Variants in AKAP13 observed in about 807,000 individuals in gnomAD.
AKAP13 encodes A-kinase anchoring protein 13.
AKAP13 carries 80 observed loss-of-function variants against 264.5 expected under a neutral mutation model. The observed-to-expected ratio is 0.30, with a 90% CI of 0.25 to 0.36. The LOEUF (loss-of-function observed/expected upper bound fraction) is 0.36, where lower values mean the gene tolerates loss of function less well. Among genes scored for constraint, AKAP13 ranks in the 10% least tolerant of loss-of-function variants. The pLI, the probability that AKAP13 is intolerant of heterozygous loss-of-function variation, is 1.00. For synonymous variants in AKAP13, 1,380 were observed against 1,250.2 expected, an observed-to-expected ratio of 1.10 and a Z score of -2.19; for missense variants, 3,712 against 3,435.2, an observed-to-expected ratio of 1.08 and a Z score of -2.01.
At chr15:85,578,189 G>A (rs1234293546) in intron 6 of AKAP13, among the ~76,000 whole-genome samples, 2 of 152,098 alleles carry the variant, frequency 1.3e-5, no homozygotes, top group Non-Finnish European at 1.5e-5. Flanking sequence ...AGGCTGAGGC[G>A]GCAGGGTCAC....
At chr15:85,726,960 CTA>C in intron 27 of AKAP13, 104 bp from the exon 28 acceptor site, 1 of 1,247,992 alleles carries the variant, frequency 8.0e-7, no homozygotes, top group Non-Finnish European at 1.1e-6. Flanking sequence ...GTTTTTCAAA[CTA>C]TGTGCTTTTT....
chr15:85,632,240 G>A (rs2081870736), intron 8 of AKAP13, among the ~76,000 whole-genome samples: 2 of 152,084 alleles, frequency 1.3e-5, no homozygotes, highest in South Asian at 2.1e-4. Flanking sequence ...TCACCTTCTC[G>A]TTGGTTCTCC....
intron 17 of AKAP13, among the ~76,000 whole-genome samples, chr15:85,703,143 T>C (rs2086027854): frequency 6.6e-6 from 1 of 152,228 alleles, no homozygotes; most frequent in Non-Finnish European, 1.5e-5. Flanking sequence ...ATGTGTGTGA[T>C]GGTTAGATTT....
intron 1 of AKAP13, among the ~76,000 whole-genome samples, chr15:85,387,882 T>C (rs1426729899): frequency 2.0e-5 from 3 of 152,312 alleles, no homozygotes; most frequent in African/African-American, 7.2e-5. Flanking sequence ...TCATTTTATA[T>C]TATTTGCTGA....
At chr15:85,551,172 T>C (rs1479206251) in intron 5 of AKAP13, among the ~76,000 whole-genome samples, 4 of 152,190 alleles carry the variant, frequency 2.6e-5, no homozygotes, top group Admixed American at 6.5e-5. Flanking sequence ...TGCCTTTTTT[T>C]CCCCCTAAGT....
intron 9 of AKAP13, among the ~76,000 whole-genome samples, chr15:85,642,645 T>C (rs1299802838): frequency 6.6e-6 from 1 of 152,210 alleles, no homozygotes; most frequent in East Asian, 1.9e-4. Context: ...TCCTCAACAG[T>C]CAGCTTTATC....
chr15:85,604,404 T>C (rs1228333818), intron 8 of AKAP13, among the ~76,000 whole-genome samples: 2 of 151,664 alleles, frequency 1.3e-5, no homozygotes, highest in African/African-American at 2.4e-5. Context: ...TCTGTCTGTA[T>C]AGAATTTGGA....
intron 23 of AKAP13, among the ~76,000 whole-genome samples, chr15:85,719,833 T>G (rs951576568): frequency 6.6e-6 from 1 of 151,778 alleles, no homozygotes; most frequent in Admixed American, 6.6e-5. Flanking sequence ...AAGAATCGCT[T>G]GAACCTGGGA....
chr15:85,483,417 G>C lies in AKAP13; in HGVS notation c.-11-2293G>C, dbSNP rs529472491. ...CGAGGCGGGTGGATCATGAGGTCAG[G>C]AGATCGAGACCATCCTGGCTAACAA... On this transcript the variant is annotated intron_variant, in intron 1 of 36. Coordinates refer to ENST00000394518, the MANE Select transcript of AKAP13 (RefSeq NM_007200.5). Among the ~76,000 whole-genome samples the C allele has an allele frequency of 4.9e-3, 747 of 152,236 alleles. 7 individuals are homozygous for C. Among genetic ancestry groups the C allele is most frequent in the African/African-American group, 0.018 (728 of 41,498 alleles).
chr15:85,714,453 A>G (rs568494247), intron 19 of AKAP13, among the ~76,000 whole-genome samples: 1 of 152,318 alleles, frequency 6.6e-6, no homozygotes, highest in Non-Finnish European at 1.5e-5. Flanking sequence ...AATTTTCCTC[A>G]TCTGTAAATT....
intron 2 of AKAP13, among the ~76,000 whole-genome samples, chr15:85,509,329 T>C (rs888705571): frequency 2.0e-5 from 3 of 152,338 alleles, no homozygotes; most frequent in East Asian, 3.9e-4. Flanking sequence ...TAGTGAGTGC[T>C]AAATAATATT....
chr15:85,448,972 G>A (rs1008843896), intron 1 of AKAP13, among the ~76,000 whole-genome samples: 11 of 151,006 alleles, frequency 7.3e-5, no homozygotes, highest in African/African-American at 2.4e-4. Flanking sequence ...AATAACATTG[G>A]ATCTGTAAAT....
intron 2 of AKAP13, among the ~76,000 whole-genome samples, chr15:85,488,048 C>T (rs939677298): frequency 6.6e-6 from 1 of 152,228 alleles, no homozygotes; most frequent in Non-Finnish European, 1.5e-5. Flanking sequence ...CAGGCATGTG[C>T]ACCCATGCCC....
intron 8 of AKAP13, among the ~76,000 whole-genome samples, chr15:85,632,989 C>G (rs2081911430): frequency 6.6e-6 from 1 of 152,126 alleles, no homozygotes; most frequent in South Asian, 2.1e-4. Flanking sequence ...TCTCAGCCTC[C>G]CAAGTAGCTG....
chr15:85,655,395 A>G, intron 10 of AKAP13, 22 bp from the exon 11 acceptor site: 6 of 1,604,072 alleles, frequency 3.7e-6, no homozygotes, highest in African/African-American at 2.7e-5. Context: ...CTTCAACCAT[A>G]TGTGCTTTCT....
At chr15:85,680,286 C>G (rs945301875) in intron 14 of AKAP13, among the ~76,000 whole-genome samples, 2 of 152,104 alleles carry the variant, frequency 1.3e-5, no homozygotes, top group African/African-American at 2.4e-5. Flanking sequence ...TTTAAAACCA[C>G]TGATTTAAAC....
chr15:85,446,501 C>T (rs1244170853), intron 1 of AKAP13, among the ~76,000 whole-genome samples: 1 of 152,124 alleles, frequency 6.6e-6, no homozygotes, highest in Non-Finnish European at 1.5e-5. Context: ...CTAGCAGGCA[C>T]TTGGCAATTA....
chr15:85,542,223 C>T (rs970513326), intron 4 of AKAP13, among the ~76,000 whole-genome samples: 4 of 152,192 alleles, frequency 2.6e-5, no homozygotes, highest in Non-Finnish European at 5.9e-5. Flanking sequence ...AAATTTGTAC[C>T]TGCACATGTA....
At position 85,614,497 on chromosome 15, in the gene AKAP13, C is replaced by T. The variant is rs376226987; in HGVS notation, c.4162-24877C>T. 3.2e-3 allele frequency among the ~76,000 whole-genome samples: 482 copies of T among 152,106 alleles called. 28 individuals carry two copies. The South Asian group carries it at 0.098, about 31-fold the overall frequency. On this transcript the variant is annotated intron_variant, in intron 8 of 36. Transcript: ENST00000394518. ...GAAATGTTGGCAGAGAAGTTGAGTC[C>T]GTTTAATGTAAAATTAAGAATCACT...
Sources: gnomAD v4.1 joint callset for allele counts (sites outside exome capture counted in the v4.1 genomes callset) on GRCh38, gnomAD v4.1.1 for gene constraint, MANE v1.5 for transcripts, NCBI Gene and HGNC (gene_info 2026-07-23, HGNC 2026-07-21) for gene names.